The following PATJ variants were observed in gnomAD, a reference collection of about 807,000 sequenced individuals.
PATJ encodes inaD-like protein.
Under a neutral mutation model 224.9 loss-of-function variants are expected in PATJ, and 190 were observed. That is an observed-to-expected ratio of 0.84 (90% confidence interval 0.75 to 0.95). The LOEUF is 0.95. Ranked by LOEUF, PATJ falls within the 40% of genes least tolerant of loss-of-function variation. The pLI, the probability that PATJ is intolerant of heterozygous loss-of-function variation, is 0.00. For synonymous variants in PATJ, 769 were observed against 820.3 expected (o/e 0.94, Z 1.07); for missense variants, 2,121 against 2,270.3 (o/e 0.93, Z 1.34).
At chr1:62,116,802 T>A in intron 36 of PATJ, 123 bp downstream of exon 36, 1 of 897,938 alleles carries the variant, frequency 1.1e-6, no homozygotes, top group Non-Finnish European at 1.6e-6. Flanking sequence ...ACTAGAAATT[T>A]AATCTCTGAT....
chr1:61,832,277 C>G lies in PATJ; in HGVS notation c.1981-1377C>G, dbSNP rs377596470. 5.1e-4 allele frequency among the ~76,000 whole-genome samples: 77 copies of G among 152,214 alleles called. No individual in the cohort carries two copies. In the East Asian group the frequency reaches 5.6e-3, roughly 11 times the overall value. ...CTGTACATTAGACTCCTGTGACACA[C>G]AATTTACCCATATAACAAACCTGCA... is the stretch of plus-strand genomic sequence containing the variant. On this transcript the variant is annotated intron_variant, in intron 16 of 43. Coordinates refer to ENST00000642238, the MANE Select transcript of PATJ (RefSeq NM_001350145.3).
intron 27 of PATJ, among the ~76,000 whole-genome samples, chr1:61,955,103 A>G (rs1447947144): frequency 1.3e-5 from 2 of 152,308 alleles, no homozygotes; most frequent in East Asian, 3.9e-4. Flanking sequence ...TTCATATTGC[A>G]CATTTTGAAT....
intron 25 of PATJ, among the ~76,000 whole-genome samples, chr1:61,914,008 T>C (rs1673065471): frequency 6.6e-6 from 1 of 152,236 alleles, no homozygotes; most frequent in African/African-American, 2.4e-5. Context: ...TATGCCCTGA[T>C]GGCATATATA....
intron 27 of PATJ, among the ~76,000 whole-genome samples, chr1:61,959,067 AG>A (rs1680845523): frequency 6.6e-6 from 1 of 152,060 alleles, no homozygotes; most frequent in South Asian, 2.1e-4. Flanking sequence ...GATTGAAAGG[AG>A]GAGGAGGTTA....
intron 33 of PATJ, among the ~76,000 whole-genome samples, chr1:62,106,950 C>T (rs865989720): frequency 7.2e-5 from 11 of 152,124 alleles, no homozygotes; most frequent in Admixed American, 3.9e-4. Flanking sequence ...ACCCTGGGCA[C>T]TGCAGGACTC....
At chr1:61,839,360 A>C (rs1660716867) in intron 17 of PATJ, among the ~76,000 whole-genome samples, 1 of 152,172 alleles carries the variant, frequency 6.6e-6, no homozygotes, top group African/African-American at 2.4e-5. Flanking sequence ...TTAAAAATTA[A>C]TATAGTGTGC....
intron 27 of PATJ, among the ~76,000 whole-genome samples, chr1:61,973,212 C>T (rs537973694): frequency 6.6e-6 from 1 of 152,054 alleles, no homozygotes; most frequent in East Asian, 1.9e-4. Flanking sequence ...GAATTAGTTT[C>T]TTCTCTCATT....
intron 42 of PATJ, among the ~76,000 whole-genome samples, chr1:62,152,835 G>C (rs945685525): frequency 6.6e-6 from 1 of 151,924 alleles, no homozygotes; most frequent in Non-Finnish European, 1.5e-5. Context: ...GCTGTCAGCA[G>C]TAAGTTTAAA....
chr1:61,875,266 GTC>G lies in PATJ; in HGVS notation c.2860_2861del (p.Ser954ProfsTer8). 6.3e-7 allele frequency: 1 copy of G among 1,599,528 alleles called. No individual in the cohort carries two copies. Reference sequence around the variant, plus strand: ...AGATGAAAGAAAATTTTGTCATGGAGTCCCTACCATCTGTACCATCAACTGAA... The same window carrying G: ...AGATGAAAGAAAATTTTGTCATGGAGCCTACCATCTGTACCATCAACTGAA... ...NVMKENFVMESLPSVPSTEGN... is the reference protein window; with the variant it reads ...NVMKENFVMEXLPSVPSTEGN... On this transcript the variant is annotated frameshift_variant, in exon 21 of 44. Transcript: ENST00000642238. LOFTEE classifies it high-confidence loss of function.
chr1:61,927,740 C>T lies in PATJ; in HGVS notation c.3581C>T (p.Thr1194Ile). 6.2e-7 allele frequency: 1 copy of T among 1,612,370 alleles called. No individual in the cohort carries two copies. The highest frequency in any genetic ancestry group is 8.5e-7 in the Non-Finnish European group (1 of 1,178,960). The stretch of plus-strand genomic sequence containing the variant: ...ATTTTGCATCTTCAGAGGCAAGGAA[C>T]TGCTCCACCGCCAATGAAACTTCCT... The part of the protein sequence containing the change: ...TQEKKEKRQG[T>I]APPPMKLPPP... The change falls in exon 27 of 44, where the codon ACT becomes ATT. Residue 1194 changes from threonine (T) to isoleucine (I), a missense_variant. Thr to Ile is a moderately conservative substitution (Grantham distance 89). Transcript: ENST00000642238.
chr1:62,009,045 C>G (rs7516950), intron 28 of PATJ, among the ~76,000 whole-genome samples: 5,803 of 152,264 alleles, frequency 0.038, 292 homozygotes, highest in African/African-American at 0.11. Context: ...CTTAGTTTCT[C>G]TACCTCTCAA....
chr1:62,043,277 A>T (rs1282908992), intron 30 of PATJ, among the ~76,000 whole-genome samples: 1 of 152,354 alleles, frequency 6.6e-6, no homozygotes, highest in Non-Finnish European at 1.5e-5. Context: ...ATTATGATGC[A>T]GTGCTTGTGG....
At chr1:61,969,259 C>T (rs992795854) in intron 27 of PATJ, among the ~76,000 whole-genome samples, 2 of 152,208 alleles carry the variant, frequency 1.3e-5, no homozygotes, top group African/African-American at 4.8e-5. Context: ...AGTAGAATTA[C>T]TGGATCATAT....
intron 10 of PATJ, among the ~76,000 whole-genome samples, chr1:61,796,069 G>A (rs1056259093): frequency 2.0e-5 from 3 of 151,952 alleles, no homozygotes; most frequent in African/African-American, 4.8e-5. Context: ...TTATATATAC[G>A]CTTATATTAA....
chr1:62,153,507 T>G, intron 43 of PATJ, 26 bp downstream of exon 43: 5 of 1,225,942 alleles, frequency 4.1e-6, no homozygotes, highest in Non-Finnish European at 5.1e-6. Flanking sequence ...TAATGTACTT[T>G]TTTAAAAAAA....
chr1:62,154,441 G>A (rs1471508513), intron 43 of PATJ, among the ~76,000 whole-genome samples: 2 of 151,864 alleles, frequency 1.3e-5, no homozygotes, highest in Non-Finnish European at 2.9e-5. Flanking sequence ...GCCTGAGGTG[G>A]GTGGATCACC....
chr1:62,060,762 G>A (rs1038727019), intron 31 of PATJ, among the ~76,000 whole-genome samples: 4 of 151,962 alleles, frequency 2.6e-5, no homozygotes, highest in African/African-American at 4.8e-5. Flanking sequence ...CAGCAGCCTC[G>A]ATCTCCTGGC....
At chr1:61,823,630 A>C (rs1455559560) in intron 15 of PATJ, among the ~76,000 whole-genome samples, 1 of 152,212 alleles carries the variant, frequency 6.6e-6, no homozygotes, top group Non-Finnish European at 1.5e-5. Flanking sequence ...TGCATAGAAG[A>C]GGGTTCTCCC....
At chr1:61,844,852 T>C (rs1661673386) in intron 17 of PATJ, among the ~76,000 whole-genome samples, 1 of 152,120 alleles carries the variant, frequency 6.6e-6, no homozygotes, top group Admixed American at 6.5e-5. Context: ...TCTCTCTCTC[T>C]CCTGCTGCTG....
Sources: allele counts gnomAD v4.1 joint callset (sites outside exome capture counted in the v4.1 genomes callset), GRCh38; gene constraint gnomAD v4.1.1; transcripts MANE v1.5; gene names NCBI Gene and HGNC (gene_info 2026-07-23, HGNC 2026-07-21).